The following ARHGAP42 variants were observed in gnomAD, a reference collection of about 807,000 sequenced individuals.
ARHGAP42 encodes rho GTPase-activating protein 42.
In ARHGAP42, 63 loss-of-function variants were observed where a neutral mutation model predicts 125.0. That is an observed-to-expected ratio of 0.50 (90% CI 0.41 to 0.62). ARHGAP42 has a LOEUF of 0.62. ARHGAP42 is among the 20% of genes least tolerant of loss of function. The pLI is 0.00. For missense variants in ARHGAP42, 766 were observed against 1,024.2 expected, an observed-to-expected ratio of 0.75 and a Z score of 3.44; for synonymous variants, 339 against 351.0, an observed-to-expected ratio of 0.97 and a Z score of 0.38.
At chr11:100,747,581 T>C (rs548358059) in intron 1 of ARHGAP42, among the ~76,000 whole-genome samples, 1 of 152,374 alleles carries the variant, frequency 6.6e-6, no homozygotes, top group African/African-American at 2.4e-5. Flanking sequence ...CCAATGTGTT[T>C]ACACACAGAA....
chr11:100,917,014 T>TG (rs1394690522), intron 5 of ARHGAP42, among the ~76,000 whole-genome samples: 1 of 44,594 alleles, frequency 2.2e-5, no homozygotes, highest in Non-Finnish European at 3.5e-5. Flanking sequence ...TTAAAATAAG[T>TG]TTGTGTGTGT....
At chr11:100,755,105 G>C (rs1054736439) in intron 1 of ARHGAP42, among the ~76,000 whole-genome samples, 2 of 152,212 alleles carry the variant, frequency 1.3e-5, no homozygotes, top group Non-Finnish European at 2.9e-5. Context: ...ATGGCAGGGG[G>C]TGTGGGTGGC....
intron 12 of ARHGAP42, among the ~76,000 whole-genome samples, chr11:100,957,272 C>T (rs1190471275): frequency 6.6e-6 from 1 of 151,844 alleles, no homozygotes; most frequent in Non-Finnish European, 1.5e-5. Flanking sequence ...TTATGTTTTC[C>T]TTCATATAGC....
At chr11:100,885,374 A>G (rs1866066114) in intron 4 of ARHGAP42, among the ~76,000 whole-genome samples, 1 of 152,176 alleles carries the variant, frequency 6.6e-6, no homozygotes, top group Non-Finnish European at 1.5e-5. Flanking sequence ...CTTCCCTGTC[A>G]ACAATTTCTT....
chr11:100,752,999 A>C (rs1315634029), intron 1 of ARHGAP42, among the ~76,000 whole-genome samples: 3 of 152,072 alleles, frequency 2.0e-5, no homozygotes, highest in African/African-American at 7.2e-5. Flanking sequence ...CAGGGGATGT[A>C]CTCTGGTTTC....
intron 8 of ARHGAP42, among the ~76,000 whole-genome samples, chr11:100,938,295 A>G (rs1215019460): frequency 6.6e-6 from 1 of 151,926 alleles, no homozygotes; most frequent in Non-Finnish European, 1.5e-5. Flanking sequence ...CCATCATCTA[A>G]TGCGTCTTCT....
At position 100,993,113 on chromosome 11, in the gene ARHGAP42, G is replaced by T. The variant is rs898798014; in HGVS notation, c.*4312G>T. ...GTTGGAGGAGGCAGGGGCTGAAGGT[G>T]TCAAAACCTCCTCAGTAGGATAACC... On this transcript the variant is annotated 3_prime_UTR_variant, in exon 24 of 24. Transcript: ENST00000298815. 3 of 175,956 alleles carry T rather than the reference G, an allele frequency of 1.7e-5. No individual in the cohort carries two copies. The Admixed American group carries it at 1.8e-4, about 11-fold the overall frequency. 10.9% of individuals were successfully genotyped at this position (175,956 alleles called of 1,614,324 possible).
At chr11:100,901,063 G>A (rs1866531968) in intron 4 of ARHGAP42, among the ~76,000 whole-genome samples, 3 of 152,156 alleles carry the variant, frequency 2.0e-5, no homozygotes, top group African/African-American at 7.2e-5. Flanking sequence ...GTGACCTACA[G>A]ATGGGTTTTT....
intron 4 of ARHGAP42, among the ~76,000 whole-genome samples, chr11:100,870,394 A>G (rs1158782456): frequency 2.6e-5 from 4 of 152,206 alleles, no homozygotes; most frequent in Non-Finnish European, 5.9e-5. Context: ...TTATCTGTAG[A>G]TACATTCTTT....
intron 3 of ARHGAP42, among the ~76,000 whole-genome samples, chr11:100,797,788 A>AT (rs1189413161): frequency 1.3e-5 from 2 of 152,092 alleles, no homozygotes; most frequent in African/African-American, 4.8e-5. Flanking sequence ...TAAGAAATAC[A>AT]TTTTTTCAAG....
intron 3 of ARHGAP42, among the ~76,000 whole-genome samples, chr11:100,807,940 GTTC>G (rs2052429322): frequency 1.3e-5 from 2 of 152,150 alleles, no homozygotes; most frequent in South Asian, 2.1e-4. Context: ...ATGTTTTGAT[GTTC>G]TTCTTTGATA....
At chr11:100,981,661 C>T (rs531314552) in intron 22 of ARHGAP42, among the ~76,000 whole-genome samples, 16 of 152,174 alleles carry the variant, frequency 1.1e-4, no homozygotes, top group Non-Finnish European at 2.1e-4. Context: ...CAGAACAGAT[C>T]ATTTTCCAGC....
At chr11:100,945,974 G>T (rs1021253875) in intron 10 of ARHGAP42, among the ~76,000 whole-genome samples, 1 of 152,056 alleles carries the variant, frequency 6.6e-6, no homozygotes, top group Non-Finnish European at 1.5e-5. Context: ...CCAACAGAAG[G>T]CTATTTCATC....
At position 100,976,939 on chromosome 11, in the gene ARHGAP42, C is replaced by G; in HGVS notation, c.2361C>G (p.Ala787=). ...KMCRRLRLDT[A]SSNGYQRPGS... is the part of the protein sequence containing the mutation. ...GCAGGAGATTAAGACTAGACACTGC[C>G]TCAAGCAATGGCTATCAGCGGCCTG... Residue 787 remains alanine, a synonymous_variant, in exon 21 of 24, where the codon GCC becomes GCG. Coordinates refer to ENST00000298815, the MANE Select transcript of ARHGAP42 (RefSeq NM_152432.4). 1 of 1,551,444 alleles carries G rather than the reference C, an allele frequency of 6.4e-7. No individual in the cohort carries two copies. Among genetic ancestry groups the G allele is most frequent in the Non-Finnish European group, 8.7e-7 (1 of 1,146,818 alleles).
chr11:100,822,248 A>G (rs1185985178), intron 3 of ARHGAP42, among the ~76,000 whole-genome samples: 1 of 152,154 alleles, frequency 6.6e-6, no homozygotes, highest in East Asian at 1.9e-4. Flanking sequence ...ATTCATTTAC[A>G]AATTTTAGAG....
intron 2 of ARHGAP42, among the ~76,000 whole-genome samples, chr11:100,785,107 G>T (rs1863402310): frequency 6.6e-6 from 1 of 152,182 alleles, no homozygotes; most frequent in Non-Finnish European, 1.5e-5. Flanking sequence ...TGTGAAGAGG[G>T]AGGAGTGATG....
At chr11:100,873,238 GC>G (rs1442091473) in intron 4 of ARHGAP42, among the ~76,000 whole-genome samples, 1 of 152,214 alleles carries the variant, frequency 6.6e-6, no homozygotes, top group Non-Finnish European at 1.5e-5. Context: ...TATGATTGCA[GC>G]TGCTACATTT....
At chr11:100,869,309 G>A (rs557817202) in intron 4 of ARHGAP42, among the ~76,000 whole-genome samples, 1 of 152,168 alleles carries the variant, frequency 6.6e-6, no homozygotes, top group Admixed American at 6.5e-5. Flanking sequence ...AATATATACT[G>A]TAGGTGAAAT....
At position 100,837,926 on chromosome 11, in the gene ARHGAP42, T is replaced by TTTTTATTTTA. The variant is rs140607707; in HGVS notation, c.313-21612_313-21603dup. On this transcript the variant is annotated intron_variant, in intron 3 of 23. Transcript: ENST00000298815. ...GTTTTCATTGGTGCAGTCTAACAGGTTTTTATTTTATTTTATTTTATTTTA... is the reference window on the plus strand; with the variant it reads ...GTTTTCATTGGTGCAGTCTAACAGGTTTTTATTTTATTTTATTTTATTTTATTTTATTTTA... 1.6e-3 allele frequency among the ~76,000 whole-genome samples: 184 copies of TTTTTATTTTA among 116,824 alleles called. 3 individuals carry two copies. The highest frequency in any genetic ancestry group is 5.6e-3 in the African/African-American group (169 of 30,364). The allele number at this position is 116,824 out of a possible 152,430, so 76.6% of individuals were successfully genotyped here. A position where few individuals can be genotyped will look rare whatever the true frequency, so the allele number is the denominator to read the frequency against.
Sources: allele counts gnomAD v4.1 joint callset (sites outside exome capture counted in the v4.1 genomes callset), GRCh38; gene constraint gnomAD v4.1.1; transcripts MANE v1.5; gene names NCBI Gene and HGNC (gene_info 2026-07-23, HGNC 2026-07-21).